Variants in HSF2BP observed in about 807,000 individuals in gnomAD.
HSF2BP encodes heat shock transcription factor 2 binding protein, also known as heat shock factor 2-binding protein.
A neutral mutation model predicts 35.0 loss-of-function variants in HSF2BP; 35 were observed. That is an observed-to-expected ratio of 1.00 (90% CI 0.76 to 1.32). The LOEUF is 1.32. Ranked by LOEUF, HSF2BP falls within the 40% of genes most tolerant of loss-of-function variation. HSF2BP has a pLI of 0.00. For missense variants in HSF2BP, 326 were observed against 321.7 expected (o/e 1.01, Z -0.10); for synonymous variants, 114 against 117.4 (o/e 0.97, Z 0.18).
At chr21:43,573,769 G>T (rs2081605482) in intron 8 of HSF2BP, among the ~76,000 whole-genome samples, 1 of 152,058 alleles carries the variant, frequency 6.6e-6, no homozygotes, top group South Asian at 2.1e-4. Flanking sequence ...CACAGGAAGG[G>T]GTCATCAGTA....
chr21:43,649,219 TTTTG>T (rs1251242590), intron 3 of HSF2BP, among the ~76,000 whole-genome samples: 5 of 152,062 alleles, frequency 3.3e-5, no homozygotes, highest in African/African-American at 4.8e-5. Context: ...GCGCCTGGCC[TTTTG>T]TTTGTTTTTC....
chr21:43,632,481 G>A (rs112467983), intron 5 of HSF2BP, among the ~76,000 whole-genome samples: 2 of 35,028 alleles, frequency 5.7e-5, no homozygotes, highest in African/African-American at 1.2e-4. Context: ...ACACACACAC[G>A]CTGCCACACA....
At chr21:43,630,677 T>C (rs909931201) in intron 5 of HSF2BP, among the ~76,000 whole-genome samples, 1 of 152,154 alleles carries the variant, frequency 6.6e-6, no homozygotes, top group African/African-American at 2.4e-5. Context: ...CGCATAAATA[T>C]GATATAGGAC....
At chr21:43,650,527 A>T (rs915434407) in intron 3 of HSF2BP, among the ~76,000 whole-genome samples, 1 of 151,896 alleles carries the variant, frequency 6.6e-6, no homozygotes, top group Non-Finnish European at 1.5e-5. Flanking sequence ...TTTATAAAAA[A>T]TAGGATTTTC....
intron 8 of HSF2BP, among the ~76,000 whole-genome samples, chr21:43,574,021 A>G (rs1432680035): frequency 6.6e-6 from 1 of 152,142 alleles, no homozygotes; most frequent in African/African-American, 2.4e-5. Flanking sequence ...CTTCTGCTCC[A>G]TGAGCCTCTG....
chr21:43,651,729 G>T (rs537873373), intron 3 of HSF2BP, among the ~76,000 whole-genome samples: 1 of 152,018 alleles, frequency 6.6e-6, no homozygotes, highest in African/African-American at 2.4e-5. Flanking sequence ...ACCTGCAATC[G>T]GTCCTGCTCA....
chr21:43,627,069 T>C (rs1334093898), intron 6 of HSF2BP, among the ~76,000 whole-genome samples: 2 of 152,140 alleles, frequency 1.3e-5, no homozygotes, highest in Non-Finnish European at 1.5e-5. Context: ...GGTTTCCCCA[T>C]GTTGGCCAGG....
intron 3 of HSF2BP, among the ~76,000 whole-genome samples, chr21:43,645,985 A>C (rs1013003961): frequency 2.0e-4 from 31 of 152,098 alleles, no homozygotes; most frequent in African/African-American, 7.2e-4. Context: ...GACCAGCTAA[A>C]CATCATAAAA....
intron 8 of HSF2BP, among the ~76,000 whole-genome samples, chr21:43,581,656 C>CA (rs894181197): frequency 1.2e-4 from 18 of 151,598 alleles, no homozygotes; most frequent in East Asian, 5.8e-4. Flanking sequence ...CCAAGAAAGG[C>CA]AAAAAAAACA....
At chr21:43,608,704 G>C (rs1356400030) in intron 7 of HSF2BP, among the ~76,000 whole-genome samples, 1 of 152,054 alleles carries the variant, frequency 6.6e-6, no homozygotes, top group Non-Finnish European at 1.5e-5. Context: ...GCTCATGCCT[G>C]AAATCCCAGC....
chr21:43,648,276 A>G (rs1319815833), intron 3 of HSF2BP, among the ~76,000 whole-genome samples: 1 of 152,194 alleles, frequency 6.6e-6, no homozygotes, highest in Non-Finnish European at 1.5e-5. Flanking sequence ...TGGATGCAAT[A>G]GCAGCCCCGC....
chr21:43,631,678 C>T (rs1264956994), intron 5 of HSF2BP, among the ~76,000 whole-genome samples: 1 of 152,120 alleles, frequency 6.6e-6, no homozygotes, highest in Non-Finnish European at 1.5e-5. Flanking sequence ...AGTCACATCC[C>T]AACCTACGTT....
intron 7 of HSF2BP, among the ~76,000 whole-genome samples, chr21:43,608,482 C>A (rs1275745608): frequency 6.6e-6 from 1 of 152,080 alleles, no homozygotes; most frequent in African/African-American, 2.4e-5. Flanking sequence ...AAAGGGAACT[C>A]GTATACACTG....
intron 4 of HSF2BP, among the ~76,000 whole-genome samples, chr21:43,638,068 A>G (rs909658343): frequency 6.6e-6 from 1 of 152,236 alleles, no homozygotes; most frequent in Admixed American, 6.5e-5. Flanking sequence ...AGCAGAATGA[A>G]GAACTAGAAC....
chr21:43,604,178 A>T (rs1266077777), intron 7 of HSF2BP, among the ~76,000 whole-genome samples: 4 of 151,868 alleles, frequency 2.6e-5, no homozygotes, highest in African/African-American at 9.7e-5. Flanking sequence ...AGGAAGGCTC[A>T]ACACAGAGGC....
the HSF2BP span, among the ~76,000 whole-genome samples, chr21:43,467,951 CACCACACTT>C: frequency 2.0e-5 from 2 of 100,950 alleles, no homozygotes; most frequent in South Asian, 3.5e-4. Context: ...ACACCACACA[CACCACACTT>C]ACACCACACA....
rs2082052132 is a variant in HSF2BP, at chr21:43,601,532, G to GT, written c.693-9205dup. ...ATAAGCAAATTACTTAGCTATACCT[G>GT]TTTTTTCTTAAAATGTACACAGAAT... On this transcript the variant is annotated intron_variant, in intron 7 of 8. Transcript: ENST00000291560. 2.0e-5 allele frequency among the ~76,000 whole-genome samples: 3 copies of GT among 152,086 alleles called. No individual in the cohort carries two copies. In the South Asian group the frequency reaches 6.2e-4, roughly 31 times the overall value.
At chr21:43,656,823 CTCT>C in intron 2 of HSF2BP, 86 bp from the exon 3 acceptor site, 1 of 1,066,776 alleles carries the variant, frequency 9.4e-7, no homozygotes, top group Non-Finnish European at 1.4e-6. Flanking sequence ...TCTTTCACAC[CTCT>C]TATGTGCATC....
intron 7 of HSF2BP, among the ~76,000 whole-genome samples, chr21:43,602,415 C>T (rs1004879678): frequency 1.3e-5 from 2 of 152,202 alleles, no homozygotes; most frequent in Non-Finnish European, 2.9e-5. Context: ...ATACCATCAC[C>T]CTCATTTGCC....
Sources: allele counts gnomAD v4.1 joint callset (sites outside exome capture counted in the v4.1 genomes callset), GRCh38; gene constraint gnomAD v4.1.1; transcripts MANE v1.5; gene names NCBI Gene and HGNC (gene_info 2026-07-23, HGNC 2026-07-21).